The following DNAJC10 variants were observed in gnomAD, a reference collection of about 807,000 sequenced individuals.
The protein encoded by DNAJC10 is endoplasmic reticulum disulfide reductase DNAJC10.
DNAJC10 carries 101 observed loss-of-function variants against 115.0 expected under a neutral mutation model. That is an observed-to-expected ratio of 0.88 (90% CI 0.75 to 1.04). DNAJC10 has a LOEUF of 1.04. DNAJC10 is among the 50% of genes least tolerant of loss of function. The pLI, the probability that DNAJC10 is intolerant of heterozygous loss-of-function variation, is 0.00. For missense variants in DNAJC10, 981 were observed against 928.8 expected, an observed-to-expected ratio of 1.06 and a Z score of -0.73; for synonymous variants, 307 against 301.5, an observed-to-expected ratio of 1.02 and a Z score of -0.19.
intron 5 of DNAJC10, among the ~76,000 whole-genome samples, chr2:182,724,620 A>T (rs1234361283): frequency 2.0e-5 from 3 of 152,174 alleles, no homozygotes; most frequent in Non-Finnish European, 4.4e-5. Context: ...GTGGGGAAAA[A>T]GTTAATCTGT....
chr2:182,748,757 A>G (rs1385993579), intron 14 of DNAJC10, among the ~76,000 whole-genome samples: 1 of 151,856 alleles, frequency 6.6e-6, no homozygotes, highest in Non-Finnish European at 1.5e-5. Context: ...TAGGGTGTCA[A>G]TTTTGGATCT....
At chr2:182,733,136 G>C (rs1482190078) in intron 10 of DNAJC10, among the ~76,000 whole-genome samples, 1 of 151,832 alleles carries the variant, frequency 6.6e-6, no homozygotes, top group Non-Finnish European at 1.5e-5. Flanking sequence ...TTCTAAGAGG[G>C]ATGTATTAAA....
At chr2:182,719,253 T>TC (rs1238719369) in intron 3 of DNAJC10, among the ~76,000 whole-genome samples, 1 of 135,812 alleles carries the variant, frequency 7.4e-6, no homozygotes, top group African/African-American at 2.8e-5. Flanking sequence ...TTGTTTTCTT[T>TC]TTTTTTTTTT....
intron 22 of DNAJC10, among the ~76,000 whole-genome samples, chr2:182,774,832 C>T (rs773422567): frequency 6.6e-5 from 10 of 152,358 alleles, no homozygotes; most frequent in East Asian, 1.9e-4. Context: ...CCCCAATCCC[C>T]GCCCTGGCGT....
intron 3 of DNAJC10, among the ~76,000 whole-genome samples, chr2:182,718,907 C>T (rs538270950): frequency 4.6e-5 from 7 of 151,942 alleles, no homozygotes; most frequent in African/African-American, 1.2e-4. Flanking sequence ...TGAGATTTAG[C>T]GTTCATCATT....
Position 182,758,837 on chromosome 2 carries a change from C to A in DNAJC10, c.1944C>A (p.His648Gln). 6.2e-7 allele frequency: 1 copy of A among 1,604,330 alleles called. No homozygotes were observed. Among genetic ancestry groups the A allele is most frequent in the South Asian group, 1.1e-5 (1 of 90,748 alleles). Residue 648 changes from histidine (H) to glutamine (Q), a missense_variant and splice_region_variant, in exon 20 of 24, where the codon CAC becomes CAA. Transcript: ENST00000264065. Reference protein sequence around the residue: ...PPKSNKAYHYHSYNGWNRDAY... With the variant: ...PPKSNKAYHYQSYNGWNRDAY... ...CAACTAACATTTTTTCTTCTCTCAG[C>A]AGTTACAATGGTTGGAATAGGGATG...
Position 182,758,748 on chromosome 2 carries a change from A to T in DNAJC10, c.1944-89A>T, listed in dbSNP as rs1694218259. 3.1e-6 allele frequency: 3 copies of T among 952,720 alleles called. No homozygotes were observed. The East Asian group carries it at 7.3e-5, about 23-fold the overall frequency. The allele number at this position is 952,720 out of a possible 1,614,324, so 59.0% of individuals were successfully genotyped here. A position where few individuals can be genotyped will look rare whatever the true frequency, so the allele number is the denominator to read the frequency against. Reference sequence around the variant, plus strand: ...CAGATGAAATCAATCAATATAACTTATTTTTTAAATTGCTACAATAAGATT... The same window carrying T: ...CAGATGAAATCAATCAATATAACTTTTTTTTTAAATTGCTACAATAAGATT... On this transcript the variant is annotated intron_variant, in intron 19 of 23. Transcript: ENST00000264065.
intron 13 of DNAJC10, among the ~76,000 whole-genome samples, 191 bp from the exon 14 acceptor site, chr2:182,743,407 A>AT (rs894195163): frequency 2.6e-4 from 39 of 152,102 alleles, no homozygotes; most frequent in African/African-American, 8.9e-4. Flanking sequence ...TCTAGGAAGC[A>AT]TTTTTTTAAC....
At chr2:182,743,742 A>AT in intron 14 of DNAJC10, 30 bp downstream of exon 14, 1 of 1,448,712 alleles carries the variant, frequency 6.9e-7, no homozygotes, top group Non-Finnish European at 9.5e-7. Context: ...ATAAAAAAAA[A>AT]CTTAGCTTCA....
At chr2:182,763,754 C>G (rs1317158164) in intron 22 of DNAJC10, among the ~76,000 whole-genome samples, 1 of 152,166 alleles carries the variant, frequency 6.6e-6, no homozygotes, top group Non-Finnish European at 1.5e-5. Flanking sequence ...CGATGTCTCC[C>G]TCTTCTTTAA....
chr2:182,792,045 G>C lies in DNAJC10; in HGVS notation c.*14913G>C, dbSNP rs1343876574. 6.6e-6 allele frequency: 1 copy of C among 152,172 alleles called. No homozygotes were observed. Among genetic ancestry groups the C allele is most frequent in the African/African-American group, 2.4e-5 (1 of 41,540 alleles). The allele number at this position is 152,172 out of a possible 1,614,324, so 9.4% of individuals were successfully genotyped here. On this transcript the variant is annotated 3_prime_UTR_variant, in exon 24 of 24. Coordinates refer to ENST00000264065, the MANE Select transcript of DNAJC10 (RefSeq NM_018981.4). ...TTGATTAGTATGTTTCCCTGTCCTA[G>C]AGTGCATGAACTTTCAAAGCCAGGA...
chr2:182,774,898 C>T (rs1460986893), intron 22 of DNAJC10, among the ~76,000 whole-genome samples: 1 of 152,230 alleles, frequency 6.6e-6, no homozygotes, highest in Non-Finnish European at 1.5e-5. Flanking sequence ...TGAGAAGAAC[C>T]AGATACCTCA....
rs1695000888 is a variant in DNAJC10 at position 182,788,961 on chromosome 2, A to G, written c.*11829A>G. ...TTTATTAATCATTTTAAAGTAGCAT[A>G]CAGTTCAGTAGTGTTAAGTAATTTC... On this transcript the variant is annotated 3_prime_UTR_variant, in exon 24 of 24. Coordinates refer to ENST00000264065, the MANE Select transcript of DNAJC10 (RefSeq NM_018981.4). The G allele has an allele frequency of 2.6e-6, 1 of 379,474 alleles. No homozygotes were observed. The highest frequency in any genetic ancestry group is 2.1e-5 in the African/African-American group (1 of 47,088). 23.5% of individuals were successfully genotyped at this position (379,474 alleles called of 1,614,324 possible). A position where few individuals can be genotyped will look rare whatever the true frequency, so the allele number is the denominator to read the frequency against.
At position 182,718,144 on chromosome 2, in the gene DNAJC10, T is replaced by C. The variant is rs761818696; in HGVS notation, c.58T>C (p.Cys20Arg). The C allele has an allele frequency of 1.2e-6, 2 of 1,613,276 alleles. No individual in the cohort carries two copies. Among genetic ancestry groups the C allele is most frequent in the Admixed American group, 3.3e-5 (2 of 59,994 alleles). ...CAGAGACTTGAAAAGGATCATTCTCTGTTTTCTGATAGTGTATATGGCCAT... is the reference window on the plus strand; with the variant it reads ...CAGAGACTTGAAAAGGATCATTCTCCGTTTTCTGATAGTGTATATGGCCAT... ...YIRDLKRIIL[C>R]FLIVYMAILV... The change falls in exon 3 of 24, where the codon TGT (cysteine) becomes CGT (arginine). Residue 20 changes from cysteine to arginine, a missense_variant. Physicochemically the swap from Cys to Arg is radical, Grantham distance 180. Transcript: ENST00000264065.
intron 22 of DNAJC10, among the ~76,000 whole-genome samples, chr2:182,774,669 G>C (rs1385247186): frequency 6.6e-6 from 1 of 152,252 alleles, no homozygotes; most frequent in Admixed American, 6.5e-5. Context: ...GCCCAGGAGA[G>C]AATCTCCTTG....
chr2:182,745,697 T>TA (rs1693844250), intron 14 of DNAJC10, among the ~76,000 whole-genome samples: 1 of 152,062 alleles, frequency 6.6e-6, no homozygotes, highest in Non-Finnish European at 1.5e-5. Flanking sequence ...TTTTTATTTT[T>TA]TTTTTTTATG....
intron 23 of DNAJC10, 109 bp from the exon 24 acceptor site, chr2:182,777,012 T>C (rs1694723465): frequency 1.6e-6 from 1 of 635,430 alleles, no homozygotes; most frequent in Admixed American, 3.5e-5. Context: ...ATAAGAATAT[T>C]GAGTATTTCT....
At position 182,779,647 on chromosome 2, in the gene DNAJC10, T is replaced by C. The variant is rs1002582782; in HGVS notation, c.*2515T>C. ...TCTGATTTCTCAAATTTTATTTAGG[T>C]CTTTCATAGCTTTTTTATTTAAAGG... On this transcript the variant is annotated 3_prime_UTR_variant, in exon 24 of 24. Transcript: ENST00000264065. The C allele has an allele frequency of 2.6e-5, 4 of 152,174 alleles. No individual in the cohort carries two copies. The highest frequency in any genetic ancestry group is 5.9e-5 in the Non-Finnish European group (4 of 68,028). The allele number at this position is 152,174 out of a possible 1,614,324, so 9.4% of individuals were successfully genotyped here.
Position 182,787,481 on chromosome 2 carries a change from A to G in DNAJC10, c.*10349A>G, listed in dbSNP as rs1694968754. 1 of 152,238 alleles carries G rather than the reference A, an allele frequency of 6.6e-6. No individual in the cohort carries two copies. Among genetic ancestry groups the G allele is most frequent in the Non-Finnish European group, 1.5e-5 (1 of 68,050 alleles). 9.4% of individuals were successfully genotyped at this position (152,238 alleles called of 1,614,324 possible). Reference sequence around the variant, plus strand: ...TTCATTCATTATGACAAAACTGCCTACCAAAGCCACAGACTTTAAGTCTTT... The same window carrying G: ...TTCATTCATTATGACAAAACTGCCTGCCAAAGCCACAGACTTTAAGTCTTT... On this transcript the variant is annotated 3_prime_UTR_variant, in exon 24 of 24. Transcript: ENST00000264065.
Sources: allele counts gnomAD v4.1 joint callset (sites outside exome capture counted in the v4.1 genomes callset), GRCh38; gene constraint gnomAD v4.1.1; transcripts MANE v1.5; gene names NCBI Gene and HGNC (gene_info 2026-07-23, HGNC 2026-07-21).